NR4A3: variants seen among roughly 807,000 people sequenced by gnomAD.
The protein encoded by NR4A3 is nuclear receptor subfamily 4 group A member 3, also known as chondrosarcoma, extraskeletal myxoid, fused to EWS.
NR4A3 carries 13 observed loss-of-function variants against 55.6 expected under a neutral mutation model. The ratio of observed to expected loss-of-function variants is 0.23; its 90% CI spans 0.15 to 0.37. The LOEUF (loss-of-function observed/expected upper bound fraction) is 0.37, where lower values mean the gene tolerates loss of function less well. NR4A3 is among the 10% of genes least tolerant of loss of function. NR4A3 has a pLI of 1.00. For synonymous variants in NR4A3, 342 were observed against 357.9 expected, an observed-to-expected ratio of 0.96 and a Z score of 0.50; for missense variants, 646 against 822.8, an observed-to-expected ratio of 0.79 and a Z score of 2.63.
intron 7 of NR4A3, 106 bp downstream of exon 7, chr9:99,847,721 T>C: frequency 1.9e-6 from 2 of 1,063,108 alleles, no homozygotes; most frequent in South Asian, 1.6e-5. Flanking sequence ...GGAAAATGAC[T>C]ACCATTTTTC....
intron 2 of NR4A3, chr9:99,826,706 C>T: frequency 6.8e-7 from 1 of 1,476,242 alleles, no homozygotes; most frequent in East Asian, 2.3e-5. Flanking sequence ...ACTGGCCTCT[C>T]CTCATCACTG....
rs1253161132 is a variant in NR4A3 at position 99,844,663 on chromosome 9, C to T, written c.1269C>T (p.Asp423=). Residue 423 remains aspartate, a synonymous_variant, in exon 6 of 8, where the codon GAC becomes GAT. Transcript: ENST00000395097. ...TTGCATTCTAGTACTGTCCCACTGACCAGGCTGCTGCAGGCACAGATGCTG... is the reference window on the plus strand; with the variant it reads ...TTGCATTCTAGTACTGTCCCACTGATCAGGCTGCTGCAGGCACAGATGCTG... The part of the protein sequence containing the change: ...DLDYSRYCPT[D]QAAAGTDAEH... 6.2e-7 allele frequency: 1 copy of T among 1,614,184 alleles called. No individual in the cohort carries two copies. Among genetic ancestry groups the T allele is most frequent in the Admixed American group, 1.7e-5 (1 of 60,028 alleles).
chr9:99,864,078 A>T lies in NR4A3; in HGVS notation c.*211A>T. The T allele has an allele frequency of 1.3e-5, 6 of 455,814 alleles. No homozygotes were observed. The highest frequency in any genetic ancestry group is 1.6e-5 in the Non-Finnish European group (4 of 255,324). 28.2% of individuals were successfully genotyped at this position (455,814 alleles called of 1,614,324 possible). On this transcript the variant is annotated 3_prime_UTR_variant, in exon 8 of 8. Coordinates refer to ENST00000395097, the MANE Select transcript of NR4A3 (RefSeq NM_006981.4). ...GAGTATTGTGTTGGGGTTGTGTTTT[A>T]TATTTAGGCATTGGGGGATGGGGTG...
At position 99,828,740 on chromosome 9, in the gene NR4A3, G is replaced by C; in HGVS notation, c.698G>C (p.Ser233Thr). The change falls in exon 3 of 8, where the codon AGC becomes ACC. Residue 233 changes from serine (S) to threonine (T), a missense_variant. By Grantham distance (58) the Ser-to-Thr change is moderately conservative. Coordinates refer to ENST00000395097, the MANE Select transcript of NR4A3 (RefSeq NM_006981.4). The surrounding 1 kb of genome is among the most constrained non-coding windows in gnomAD (Gnocchi z 7.7). The part of the protein sequence containing the change: ...LPLGAAAAAG[S>T]QAAALESHPY... ...CTGGGAGCCGCAGCCGCCGCGGGCA[G>C]CCAGGCCGCCGCGCTTGAGAGCCAC... The C allele has an allele frequency of 7.6e-7, 1 of 1,314,810 alleles. No homozygotes were observed. The highest frequency in any genetic ancestry group is 2.1e-5 in the South Asian group (1 of 48,266). 81.4% of individuals were successfully genotyped at this position (1,314,810 alleles called of 1,614,324 possible). A position where few individuals can be genotyped will look rare whatever the true frequency, so the allele number is the denominator to read the frequency against.
chr9:99,826,436 ATCT>A (rs1827296386), intron 2 of NR4A3, among the ~76,000 whole-genome samples: 1 of 152,250 alleles, frequency 6.6e-6, no homozygotes, highest in Non-Finnish European at 1.5e-5. Flanking sequence ...CAGCAAGCTC[ATCT>A]TCTAGCTAGA....
At chr9:99,842,811 A>G (rs1240861405) in intron 5 of NR4A3, among the ~76,000 whole-genome samples, 1 of 152,142 alleles carries the variant, frequency 6.6e-6, no homozygotes, top group Non-Finnish European at 1.5e-5. Flanking sequence ...TCACAGGGTC[A>G]GCATAAGTCC....
chr9:99,843,878 C>T (rs1266573405), intron 5 of NR4A3, among the ~76,000 whole-genome samples: 2 of 151,910 alleles, frequency 1.3e-5, no homozygotes, highest in Admixed American at 6.6e-5. Context: ...CTCAGCCTCC[C>T]GAGTAGCTGG....
At chr9:99,835,054 C>A in intron 5 of NR4A3, 1 of 333,106 alleles carries the variant, frequency 3.0e-6, no homozygotes, top group Non-Finnish European at 4.3e-6. Context: ...TCAGTTTTCT[C>A]CTCTGTGTTG....
chr9:99,847,699 A>G (rs1827778858), intron 7 of NR4A3, 84 bp downstream of exon 7: 2 of 1,296,276 alleles, frequency 1.5e-6, no homozygotes, highest in Admixed American at 2.3e-5. Context: ...CACTACACAC[A>G]CCAGAAAAGT....
At chr9:99,862,158 G>A (rs1485207612) in intron 7 of NR4A3, among the ~76,000 whole-genome samples, 1 of 151,998 alleles carries the variant, frequency 6.6e-6, no homozygotes, top group East Asian at 1.9e-4. Context: ...TTAGAAGGAT[G>A]TCTTCCATCT....
chr9:99,835,211 A>G (rs1295059464), intron 5 of NR4A3, among the ~76,000 whole-genome samples: 1 of 152,248 alleles, frequency 6.6e-6, no homozygotes, highest in East Asian at 1.9e-4. Context: ...CCTAATGAGC[A>G]TGAACACTAC....
At chr9:99,829,015 C>G (rs1827384072) in intron 3 of NR4A3, 22 bp downstream of exon 3, 1 of 1,315,614 alleles carries the variant, frequency 7.6e-7, no homozygotes. Context: ...CCGCCCCCTC[C>G]CCTCCGCACC....
intron 7 of NR4A3, among the ~76,000 whole-genome samples, chr9:99,861,554 A>C (rs908518003): frequency 3.3e-5 from 5 of 152,014 alleles, no homozygotes; most frequent in African/African-American, 1.2e-4. Flanking sequence ...AGGAAGGAGG[A>C]CACATCAGAG....
chr9:99,826,381 C>A (rs1827295394), intron 2 of NR4A3, among the ~76,000 whole-genome samples: 1 of 152,198 alleles, frequency 6.6e-6, no homozygotes, highest in African/African-American at 2.4e-5. Context: ...AGGTGCCAAG[C>A]CTGTGTGGGC....
At chr9:99,823,039 C>A (rs981055648) in intron 1 of NR4A3, among the ~76,000 whole-genome samples, 1 of 152,200 alleles carries the variant, frequency 6.6e-6, no homozygotes. Flanking sequence ...CCACTAGGCA[C>A]GTCTGCCTGT....
chr9:99,832,261 A>G (rs1409669998), intron 3 of NR4A3, among the ~76,000 whole-genome samples: 3 of 152,168 alleles, frequency 2.0e-5, no homozygotes, highest in Non-Finnish European at 4.4e-5. Context: ...AGTTACTGTG[A>G]TATTTGACTT....
intron 3 of NR4A3, among the ~76,000 whole-genome samples, chr9:99,830,698 CT>C (rs1286750619): frequency 6.6e-6 from 1 of 152,166 alleles, no homozygotes; most frequent in Non-Finnish European, 1.5e-5. Context: ...ATCAGAGCTA[CT>C]TTCAAGTAAC....
intron 7 of NR4A3, among the ~76,000 whole-genome samples, chr9:99,861,364 A>G (rs1026705546): frequency 6.6e-6 from 1 of 152,230 alleles, no homozygotes; most frequent in Non-Finnish European, 1.5e-5. Context: ...TACTAAAAAT[A>G]CAAAAATTAG....
intron 5 of NR4A3, among the ~76,000 whole-genome samples, chr9:99,841,695 G>T (rs773905355): frequency 2.6e-5 from 4 of 152,156 alleles, no homozygotes; most frequent in East Asian, 1.9e-4. Context: ...CAGGTGGATC[G>T]TTTAAGCCCA....
Sources: gnomAD v4.1 joint callset for allele counts (sites outside exome capture counted in the v4.1 genomes callset) on GRCh38, gnomAD v4.1.1 for gene constraint, Gnocchi (gnomAD v3.1) non-coding constraint, MANE v1.5 for transcripts, NCBI Gene and HGNC (gene_info 2026-07-23, HGNC 2026-07-21) for gene names.